Variants in PXDNL observed in about 807,000 individuals in gnomAD.
PXDNL encodes the protein probable oxidoreductase PXDNL.
In PXDNL, 145 loss-of-function variants were observed where a neutral mutation model predicts 150.8. The ratio of observed to expected loss-of-function variants is 0.96; its 90% CI spans 0.84 to 1.10. The LOEUF is 1.10. Among genes scored for constraint, PXDNL ranks in the 50% least tolerant of loss-of-function variants. The pLI is 0.00. For missense variants in PXDNL, 2,087 were observed against 1,873.9 expected (o/e 1.11, Z -2.10); for synonymous variants, 757 against 725.7 (o/e 1.04, Z -0.69).
chr8:51,436,047 T>C (rs958930707), intron 12 of PXDNL: 2 of 527,868 alleles, frequency 3.8e-6, no homozygotes, highest in Non-Finnish European at 7.7e-6. Context: ...AAAATAGTCA[T>C]AGCCTAGCTG....
chr8:51,771,940 C>G (rs1384836902), intron 1 of PXDNL, among the ~76,000 whole-genome samples: 1 of 146,946 alleles, frequency 6.8e-6, no homozygotes, highest in Non-Finnish European at 1.5e-5. Flanking sequence ...TCTGACACAA[C>G]ACGATTCCCC....
intron 17 of PXDNL, among the ~76,000 whole-genome samples, chr8:51,393,283 T>TA (rs1410274570): frequency 6.6e-6 from 1 of 152,248 alleles, no homozygotes; most frequent in Non-Finnish European, 1.5e-5. Context: ...GGCAGTCTGC[T>TA]AAGTTCTTGA....
chr8:51,729,417 A>G (rs1816876737), intron 1 of PXDNL, among the ~76,000 whole-genome samples: 1 of 151,946 alleles, frequency 6.6e-6, no homozygotes, highest in African/African-American at 2.4e-5. Flanking sequence ...TATCATAGTC[A>G]TTAGAAAGTT....
intron 1 of PXDNL, among the ~76,000 whole-genome samples, chr8:51,776,237 C>T (rs935471540): frequency 1.3e-5 from 2 of 152,116 alleles, no homozygotes; most frequent in East Asian, 3.9e-4. Flanking sequence ...ATGATCTCGC[C>T]CTGCCTCCAT....
chr8:51,637,142 G>A (rs1585637223), intron 2 of PXDNL, among the ~76,000 whole-genome samples: 1 of 152,098 alleles, frequency 6.6e-6, no homozygotes, highest in South Asian at 2.1e-4. Context: ...CTGACTATTA[G>A]AAGGAAAACT....
At chr8:51,563,329 G>A (rs756005674) in intron 3 of PXDNL, among the ~76,000 whole-genome samples, 1 of 151,904 alleles carries the variant, frequency 6.6e-6, no homozygotes, top group Non-Finnish European at 1.5e-5. Flanking sequence ...TTGTCACTGT[G>A]CCCTTACATG....
chr8:51,476,689 G>T (rs1352715178), intron 6 of PXDNL, among the ~76,000 whole-genome samples: 1 of 152,148 alleles, frequency 6.6e-6, no homozygotes, highest in Non-Finnish European at 1.5e-5. Flanking sequence ...TTCTCCCAAT[G>T]GGTTAAAAAG....
At chr8:51,383,362 C>A (rs1807605440) in intron 17 of PXDNL, among the ~76,000 whole-genome samples, 1 of 152,180 alleles carries the variant, frequency 6.6e-6, no homozygotes, top group African/African-American at 2.4e-5. Context: ...TAATCCAATA[C>A]AAAGCGGCAT....
intron 3 of PXDNL, among the ~76,000 whole-genome samples, chr8:51,576,255 G>C (rs1355380537): frequency 1.4e-5 from 2 of 148,022 alleles, no homozygotes; most frequent in Non-Finnish European, 1.5e-5. Context: ...TGAGTTCCCT[G>C]AGAATACATA....
At chr8:51,431,536 C>T (rs968298577) in intron 12 of PXDNL, among the ~76,000 whole-genome samples, 2 of 152,144 alleles carry the variant, frequency 1.3e-5, no homozygotes, top group African/African-American at 4.8e-5. Context: ...GCTTTTGACA[C>T]ATTTGATTCT....
intron 13 of PXDNL, among the ~76,000 whole-genome samples, chr8:51,425,425 G>A (rs77829905): frequency 2.7e-4 from 41 of 152,276 alleles, no homozygotes; most frequent in Non-Finnish European, 4.4e-4. Flanking sequence ...GATGCATGTC[G>A]TACAGTGTCG....
chr8:51,446,720 T>C (rs1033092795), intron 12 of PXDNL, among the ~76,000 whole-genome samples: 1 of 152,122 alleles, frequency 6.6e-6, no homozygotes, highest in Non-Finnish European at 1.5e-5. Context: ...TCTAGGCAAG[T>C]AGGACTAATT....
At chr8:51,443,964 T>A (rs1426871900) in intron 12 of PXDNL, among the ~76,000 whole-genome samples, 1 of 152,190 alleles carries the variant, frequency 6.6e-6, no homozygotes, top group African/African-American at 2.4e-5. Flanking sequence ...ATGTGCCATG[T>A]TGGTGTGCTG....
intron 2 of PXDNL, among the ~76,000 whole-genome samples, chr8:51,635,499 C>A: frequency 6.6e-6 from 1 of 151,238 alleles, no homozygotes; most frequent in African/African-American, 2.4e-5. Context: ...ACCATGAAAG[C>A]AAGAAAAATA....
At chr8:51,783,522 TA>T (rs2037434472) in intron 1 of PXDNL, among the ~76,000 whole-genome samples, 2 of 152,200 alleles carry the variant, frequency 1.3e-5, no homozygotes, top group Non-Finnish European at 2.9e-5. Flanking sequence ...CCCAGCAGTA[TA>T]GGAGATGGAA....
chr8:51,668,986 T>G (rs1370829556), intron 1 of PXDNL, among the ~76,000 whole-genome samples: 1 of 152,118 alleles, frequency 6.6e-6, no homozygotes, highest in African/African-American at 2.4e-5. Flanking sequence ...AAAATAAATA[T>G]TAATTAAAAT....
At chr8:51,716,667 A>T (rs956489043) in intron 1 of PXDNL, among the ~76,000 whole-genome samples, 1 of 152,222 alleles carries the variant, frequency 6.6e-6, no homozygotes, top group Non-Finnish European at 1.5e-5. Flanking sequence ...TATCTAACTC[A>T]TATTTCAGAA....
intron 1 of PXDNL, among the ~76,000 whole-genome samples, chr8:51,707,519 TG>T (rs2130892773): frequency 6.6e-6 from 1 of 152,350 alleles, no homozygotes; most frequent in East Asian, 1.9e-4. Flanking sequence ...GTTTTGTTTG[TG>T]GTAAGAGCAC....
At chr8:51,604,233 A>C (rs562054801) in intron 2 of PXDNL, among the ~76,000 whole-genome samples, 1 of 152,340 alleles carries the variant, frequency 6.6e-6, no homozygotes, top group African/African-American at 2.4e-5. Flanking sequence ...ACAATAGCAA[A>C]GACTTGGAAC....
Sources: gnomAD v4.1 joint callset for allele counts (sites outside exome capture counted in the v4.1 genomes callset) on GRCh38, gnomAD v4.1.1 for gene constraint, MANE v1.5 for transcripts, NCBI Gene and HGNC (gene_info 2026-07-23, HGNC 2026-07-21) for gene names.